Variants in TTN observed in about 807,000 individuals in gnomAD.
TTN encodes the protein connectin.
TTN carries 1,525 observed loss-of-function variants against 3,223.0 expected under a neutral mutation model. The ratio of observed to expected loss-of-function variants is 0.47; its 90% confidence interval spans 0.45 to 0.49. The LOEUF is 0.49. TTN is among the 20% of genes least tolerant of loss of function. TTN has a pLI of 0.00. For missense variants in TTN, 40,786 were observed against 43,424.0 expected (o/e 0.94, Z 5.40); for synonymous variants, 14,094 against 15,161.0 (o/e 0.93, Z 5.17).
At chr2:178,592,305 A>T in intron 301 of TTN, 28 bp from the exon 302 acceptor site, 1 of 1,602,130 alleles carries the variant, frequency 6.2e-7, no homozygotes, top group Non-Finnish European at 8.5e-7. Flanking sequence ...ACAGTTTGAT[A>T]AGTAATTTTA....
At chr2:178,743,975 T>C (rs1186482397) in intron 47 of TTN, among the ~76,000 whole-genome samples, 1 of 151,962 alleles carries the variant, frequency 6.6e-6, no homozygotes. Flanking sequence ...GCCTGGCTGC[T>C]CTGCCTATTT....
chr2:178,559,942 C>T lies in TTN; in HGVS notation c.86190G>A (p.Lys28730=), dbSNP rs771413979. ...TATCACTGGGGTCACTAGCACCAACCTTATTGACAGATTTTACTCTGAAAA... is the reference window on the plus strand; with the variant it reads ...TATCACTGGGGTCACTAGCACCAACTTTATTGACAGATTTTACTCTGAAAA... ...EYVFRVKSVN[K]VGASDPSDSS... The change falls in exon 326 of 363, where the codon AAG becomes AAA. Residue 28730 remains lysine (K), a synonymous_variant. Transcript: ENST00000589042. The T allele has an allele frequency of 5.6e-5, 91 of 1,613,644 alleles. No homozygotes were observed. Among genetic ancestry groups the T allele is most frequent in the Non-Finnish European group, 7.2e-5 (85 of 1,179,810 alleles).
intron 135 of TTN, among the ~76,000 whole-genome samples, chr2:178,681,993 C>T (rs553175711): frequency 6.6e-6 from 1 of 151,958 alleles, no homozygotes; most frequent in East Asian, 1.9e-4. Flanking sequence ...CTGGCTGAAA[C>T]TCCCCTATAA....
chr2:178,681,663 T>C lies in TTN; in HGVS notation c.33170A>G (p.Lys11057Arg), dbSNP rs1311702109. 5.0e-6 allele frequency: 8 copies of C among 1,606,132 alleles called. No individual in the cohort carries two copies. The highest frequency in any genetic ancestry group is 6.8e-6 in the Non-Finnish European group (8 of 1,177,818). The change falls in exon 136 of 363, where the codon AAA becomes AGA. Residue 11057 changes from lysine (K) to arginine (R), a missense_variant and splice_region_variant. Transcript: ENST00000589042. ...VPTKPKAPPAKVLKKAVPEEK... is the reference protein window; with the variant it reads ...VPTKPKAPPARVLKKAVPEEK... Reference sequence around the variant, plus strand: ...TAATAATGTTTTTTTCACTCTACCTTTAGCCGGTGGGGCCTTTGGTTTTGT... The same window carrying C: ...TAATAATGTTTTTTTCACTCTACCTCTAGCCGGTGGGGCCTTTGGTTTTGT...
At position 178,732,100 on chromosome 2, in the gene TTN, G is replaced by A; in HGVS notation, c.16869C>T (p.Gly5623=). 6.2e-7 allele frequency: 1 copy of A among 1,612,540 alleles called. No individual in the cohort carries two copies. The highest frequency in any genetic ancestry group is 8.5e-7 in the Non-Finnish European group (1 of 1,178,880). Residue 5623 remains glycine (G), a synonymous_variant, in exon 57 of 363, where the codon GGC becomes GGT. Coordinates refer to ENST00000589042, the MANE Select transcript of TTN (RefSeq NM_001267550.2). The part of the protein sequence containing the change: ...EYMCEAQNEA[G]SDHCSSIVIV... Reference sequence around the variant, plus strand: ...TTACAATGCTACTGCAGTGGTCACTGCCAGCCTCATTTTGGGCCTCACACA... The same window carrying A: ...TTACAATGCTACTGCAGTGGTCACTACCAGCCTCATTTTGGGCCTCACACA...
Position 178,777,053 on chromosome 2 carries a change from T to C in TTN, c.4815-4A>G. On this transcript the variant is annotated splice_region_variant and splice_polypyrimidine_tract_variant and intron_variant, in intron 27 of 362. Transcript: ENST00000589042. ...TTCTCCCTTGGTTCCTTCAATTCTA[T>C]AAAAAGTTGGGGGAGGGAATAATCA... is the stretch of plus-strand genomic sequence containing the variant. 4.3e-6 allele frequency: 7 copies of C among 1,613,984 alleles called. No homozygotes were observed. The highest frequency in any genetic ancestry group is 5.9e-6 in the Non-Finnish European group (7 of 1,179,958).
Position 178,773,219 on chromosome 2 carries a change from G to C in TTN, c.7745C>G (p.Ala2582Gly), listed in dbSNP as rs2091790916. The C allele has an allele frequency of 6.2e-7, 1 of 1,613,600 alleles. No homozygotes were observed. The highest frequency in any genetic ancestry group is 8.5e-7 in the Non-Finnish European group (1 of 1,179,882). Residue 2582 changes from alanine (A) to glycine (G), a missense_variant, in exon 33 of 363, where the codon GCA becomes GGA. By Grantham distance (60) the Ala-to-Gly change is moderately conservative. Coordinates refer to ENST00000589042, the MANE Select transcript of TTN (RefSeq NM_001267550.2). ...TGTCAATTTATATATTTTTCCATGT[G>C]CTTCAATTTTATATTTAGAACTGGG... Reference protein sequence around the residue: ...IKPSSKYKIEAHGKIYKLTVL... With the variant: ...IKPSSKYKIEGHGKIYKLTVL...
Position 178,778,874 on chromosome 2 carries a change from C to G in TTN, c.4208G>C (p.Arg1403Thr), listed in dbSNP as rs531590921. The G allele has an allele frequency of 1.6e-4, 259 of 1,613,808 alleles. 2 individuals carry two copies. In the South Asian group the frequency reaches 2.1e-3, roughly 13 times the overall value. The change falls in exon 24 of 363, where the codon AGA becomes ACA. Residue 1403 changes from arginine (R) to threonine (T), a missense_variant and splice_region_variant. Physicochemically the swap from Arg to Thr is moderately conservative, Grantham distance 71 (BLOSUM62 -1). Transcript: ENST00000589042. ...TAACCCAAATTATTACAAGTCTTAC[C>G]TGATTCTGCTCACTGGCTCTAGTGT... ...IPTLEPVSRI[R>T]SLSPRSVSRS...
intron 208 of TTN, 22 bp downstream of exon 208, chr2:178,651,221 G>C (rs768106232): frequency 2.5e-6 from 4 of 1,599,972 alleles, no homozygotes; most frequent in Non-Finnish European, 3.4e-6. Context: ...CTTTTCTGCA[G>C]AATCTCATTA....
In TTN at chr2:178,530,742, G is replaced by T. The variant is rs1183014419; in HGVS notation, c.105873C>A (p.Phe35291Leu). The T allele has an allele frequency of 1.2e-6, 2 of 1,613,700 alleles. No homozygotes were observed. Among genetic ancestry groups the T allele is most frequent in the East Asian group, 4.5e-5 (2 of 44,882 alleles). Residue 35291 changes from phenylalanine (F) to leucine (L), a missense_variant, in exon 358 of 363, where the codon TTC becomes TTA. Physicochemically the swap from Phe to Leu is conservative, Grantham distance 22. Coordinates refer to ENST00000589042, the MANE Select transcript of TTN (RefSeq NM_001267550.2). ...TCTCTTTAGAAGCTTCTGCTTTCAG[G>T]AACTGAGTAATCTTTGGTGGGGCAG... is the stretch of plus-strand genomic sequence containing the variant. ...PVSAPPKITQ[F>L]LKAEASKEIA...
In TTN at chr2:178,728,217, A is replaced by G. The variant is rs1344640559; in HGVS notation, c.19607T>C (p.Val6536Ala). ...KYRLVCHERS[V>A]SLEVNNLELE... is the part of the protein sequence containing the mutation. ...TTCCAGATTATTAACTTCCAGAGAC[A>G]CAGATCTCTCATGGCACACAAGTCT... Residue 6536 changes from valine to alanine, a missense_variant, in exon 67 of 363, where the codon GTG (valine) becomes GCG (alanine). Transcript: ENST00000589042. 6.2e-7 allele frequency: 1 copy of G among 1,613,020 alleles called. No homozygotes were observed. The highest frequency in any genetic ancestry group is 1.3e-5 in the African/African-American group (1 of 74,876).
At chr2:178,765,160 A>G (rs2090140911) in intron 41 of TTN, among the ~76,000 whole-genome samples, 1 of 152,146 alleles carries the variant, frequency 6.6e-6, no homozygotes, top group South Asian at 2.1e-4. Flanking sequence ...TGTGCTACCT[A>G]TTTTTAAAAT....
rs750670014 is a variant in TTN at position 178,537,761 on chromosome 2, A to G, written c.99446T>C (p.Met33149Thr). ...AGTGTGTGTGCGTCCATCTGAAGAC[A>G]TTTTGTATTTCCGGCTTTGTATGAG... Reference protein sequence around the residue: ...KELIQSRKYKMSSDGRTHTLT... With the variant: ...KELIQSRKYKTSSDGRTHTLT... The change falls in exon 355 of 363, where the codon ATG (methionine) becomes ACG (threonine). Residue 33149 changes from methionine (M) to threonine (T), a missense_variant. By Grantham distance (81) the Met-to-Thr change is moderately conservative (BLOSUM62 -1). Transcript: ENST00000589042. 1.9e-6 allele frequency: 3 copies of G among 1,613,724 alleles called. No homozygotes were observed. The South Asian group carries it at 3.3e-5, about 18-fold the overall frequency.
At chr2:178,785,333 CA>C (rs2093095520) in intron 15 of TTN, among the ~76,000 whole-genome samples, 1 of 152,104 alleles carries the variant, frequency 6.6e-6, no homozygotes, top group South Asian at 2.1e-4. Flanking sequence ...GTAATCAAAA[CA>C]ATTGAGTTTG....
In TTN at chr2:178,707,820, T is replaced by A. The variant is rs398124445; in HGVS notation, c.28754-7A>T. On this transcript the variant is annotated splice_polypyrimidine_tract_variant and splice_region_variant and intron_variant, in intron 99 of 362. Coordinates refer to ENST00000589042, the MANE Select transcript of TTN (RefSeq NM_001267550.2). Reference sequence around the variant, plus strand: ...ACAGGTGGCTTCTTAGGTTCTGGAATTGAAAAGGTATTTTCATGAGGAACA... The same window carrying A: ...ACAGGTGGCTTCTTAGGTTCTGGAAATGAAAAGGTATTTTCATGAGGAACA... 1.3e-5 allele frequency: 21 copies of A among 1,571,232 alleles called. No homozygotes were observed. In the African/African-American group the frequency reaches 2.0e-4, roughly 15 times the overall value.
chr2:178,583,982 C>CCTG, intron 311 of TTN, 76 bp from the exon 312 acceptor site: 1 of 1,382,490 alleles, frequency 7.2e-7, no homozygotes, highest in Non-Finnish European at 9.6e-7. Context: ...CATTATCATC[C>CCTG]CTGCTGCTAA....
In TTN at chr2:178,573,729, C is replaced by T. The variant is rs748407318; in HGVS notation, c.72403G>A (p.Val24135Met). Residue 24135 changes from valine to methionine, a missense_variant, in exon 326 of 363, where the codon GTG becomes ATG. Transcript: ENST00000589042. The stretch of plus-strand genomic sequence containing the variant: ...GATAGTACACACTTTTCTGATGTCA[C>T]TTCAGTTACAGCCAAAGGTCCTTCA... ...PPEGPLAVTE[V>M]TSEKCVLSWF... The T allele has an allele frequency of 5.8e-6, 9 of 1,556,052 alleles. No homozygotes were observed. Among genetic ancestry groups the T allele is most frequent in the East Asian group, 2.3e-5 (1 of 44,328 alleles).
chr2:178,635,775 T>A (rs2060360583), intron 226 of TTN, 60 bp from the exon 227 acceptor site: 2 of 1,534,764 alleles, frequency 1.3e-6, no homozygotes, highest in East Asian at 4.6e-5. Context: ...ATACATAGCT[T>A]CCTTAGTAAA....
In TTN at chr2:178,794,932, C is replaced by T. The variant is rs774251119; in HGVS notation, c.1235G>A (p.Gly412Asp). 2 of 1,602,136 alleles carry T rather than the reference C, an allele frequency of 1.2e-6. No homozygotes were observed. The highest frequency in any genetic ancestry group is 1.1e-5 in the South Asian group (1 of 91,086). ...ASYAAEAVAT[G>D]AKEVKQDADK... ...CCATTCTGACAGTACCTCTTTAGCA[C>T]CAGTGGCAACAGCCTCTGCTGCGTA... The change falls in exon 7 of 363, where the codon GGT (glycine) becomes GAT (aspartate). Residue 412 changes from glycine to aspartate, a missense_variant. By Grantham distance (94) the Gly-to-Asp change is moderately conservative. Transcript: ENST00000589042.
Sources: gnomAD v4.1 joint callset for allele counts (sites outside exome capture counted in the v4.1 genomes callset) on GRCh38, gnomAD v4.1.1 for gene constraint, MANE v1.5 for transcripts, NCBI Gene and HGNC (gene_info 2026-07-23, HGNC 2026-07-21) for gene names.